The following CDV3 variants were observed in gnomAD, a reference collection of about 807,000 sequenced individuals.
CDV3 encodes CDV3 homolog.
In CDV3, 14 loss-of-function variants were observed where a neutral mutation model predicts 24.5. That is an observed-to-expected ratio of 0.57 (90% confidence interval 0.38 to 0.89). The LOEUF is 0.89. Among genes scored for constraint, CDV3 ranks in the 40% least tolerant of loss-of-function variants. The pLI is 0.00. For synonymous variants in CDV3, 114 were observed against 114.1 expected, an observed-to-expected ratio of 1.00 and a Z score of 0.00; for missense variants, 304 against 310.2, an observed-to-expected ratio of 0.98 and a Z score of 0.15.
At chr3:133,578,448 A>G (rs1054407259) in intron 2 of CDV3, among the ~76,000 whole-genome samples, 1 of 152,252 alleles carries the variant, frequency 6.6e-6, no homozygotes, top group Non-Finnish European at 1.5e-5. Context: ...AGCTGGTTAC[A>G]TTATCCAAGG....
rs995844020 is a variant in CDV3 at position 133,589,510 on chromosome 3, A to T, written c.*1464A>T. ...AGTTTCCTAGTTTTGTATCTGGTTC[A>T]ATAGAAATATGTGAAAGTGGTAATG... is the stretch of plus-strand genomic sequence containing the variant. On this transcript the variant is annotated 3_prime_UTR_variant, in exon 5 of 5. Coordinates refer to ENST00000264993, the MANE Select transcript of CDV3 (RefSeq NM_017548.5). The T allele has an allele frequency of 6.6e-6, 1 of 152,664 alleles. No individual in the cohort carries two copies. Among genetic ancestry groups the T allele is most frequent in the Non-Finnish European group, 1.5e-5 (1 of 68,050 alleles). The allele number at this position is 152,664 out of a possible 1,614,324, so 9.5% of individuals were successfully genotyped here.
chr3:133,586,418 C>G (rs1933606459), intron 3 of CDV3, 145 bp from the exon 4 acceptor site: 1 of 577,046 alleles, frequency 1.7e-6, no homozygotes, highest in African/African-American at 1.9e-5. Context: ...CAGACATTTT[C>G]TGAAATGAAT....
intron 2 of CDV3, among the ~76,000 whole-genome samples, chr3:133,581,796 T>C (rs1023878236): frequency 1.3e-5 from 2 of 152,226 alleles, no homozygotes; most frequent in African/African-American, 2.4e-5. Flanking sequence ...ATTAGGTATA[T>C]AGATGTTGTT....
At chr3:133,576,864 T>TTTTTTTTTTTTTTTTTTA (rs869170539) in intron 2 of CDV3, among the ~76,000 whole-genome samples, 1 of 139,862 alleles carries the variant, frequency 7.1e-6, no homozygotes, top group South Asian at 2.3e-4. Flanking sequence ...TTTTTTTTTT[T>TTTTTTTTTTTTTTTTTTA]GAGACGAAGT....
chr3:133,576,814 G>A (rs1559779944), intron 2 of CDV3, among the ~76,000 whole-genome samples: 1 of 124,446 alleles, frequency 8.0e-6, no homozygotes, highest in Non-Finnish European at 1.6e-5. Flanking sequence ...AAGCATTTAA[G>A]TTCTGTTCAA....
Position 133,588,708 on chromosome 3 carries a change from A to G in CDV3, c.*662A>G, listed in dbSNP as rs1175099240. The stretch of plus-strand genomic sequence containing the variant: ...AGGGCTGTGATTTGTAATTTAAACT[A>G]ATTGTATTCTGAGGTAACCACAAAA... On this transcript the variant is annotated 3_prime_UTR_variant, in exon 5 of 5. Coordinates refer to ENST00000264993, the MANE Select transcript of CDV3 (RefSeq NM_017548.5). 3.9e-6 allele frequency: 1 copy of G among 256,966 alleles called. No individual in the cohort carries two copies. 15.9% of individuals were successfully genotyped at this position (256,966 alleles called of 1,614,324 possible).
chr3:133,581,137 C>CT (rs1932973220), intron 2 of CDV3, among the ~76,000 whole-genome samples: 1 of 152,184 alleles, frequency 6.6e-6, no homozygotes, highest in African/African-American at 2.4e-5. Context: ...AATCCCAGCA[C>CT]TTTGGGAGGC....
chr3:133,583,596 T>A lies in CDV3; in HGVS notation c.318-406T>A, dbSNP rs534866443. Among the ~76,000 whole-genome samples the A allele has an allele frequency of 2.4e-3, 360 of 152,320 alleles. 2 individuals are homozygous for A. Among genetic ancestry groups the A allele is most frequent in the Non-Finnish European group, 3.4e-3 (228 of 68,016 alleles). On this transcript the variant is annotated intron_variant, in intron 2 of 4. Coordinates refer to ENST00000264993, the MANE Select transcript of CDV3 (RefSeq NM_017548.5). ...TTTTATTTTTTTGAGACAGTCACGC[T>A]CTGTCGCCCAGGAGGGAGTGCAGTG...
intron 2 of CDV3, among the ~76,000 whole-genome samples, chr3:133,579,714 T>C (rs191897645): frequency 1.5e-3 from 233 of 152,230 alleles, no homozygotes; most frequent in African/African-American, 5.3e-3. Flanking sequence ...TGCCTCAGCC[T>C]CCCAAGTAGC....
Position 133,588,126 on chromosome 3 carries a change from G to C in CDV3, c.*80G>C. On this transcript the variant is annotated 3_prime_UTR_variant, in exon 5 of 5. Transcript: ENST00000264993. ...AACAGCCATTCATCATCTGATCTCT[G>C]CTGGATCTACAGACACCGATGCAGA... is the stretch of plus-strand genomic sequence containing the variant. 2 of 1,575,474 alleles carry C rather than the reference G, an allele frequency of 1.3e-6. No homozygotes were observed. The highest frequency in any genetic ancestry group is 2.4e-5 in the South Asian group (2 of 84,042).
chr3:133,575,201 A>T lies in CDV3; in HGVS notation c.317+86A>T, dbSNP rs922014036. On this transcript the variant is annotated intron_variant, in intron 2 of 4. Coordinates refer to ENST00000264993, the MANE Select transcript of CDV3 (RefSeq NM_017548.5). ...GGTTTTCCTTTGGCCCCAAAGCAGC[A>T]TCATAGTAGCCTTGTGCTCTAGATA... The T allele has an allele frequency of 5.4e-6, 4 of 747,112 alleles. No individual in the cohort carries two copies. In the African/African-American group the frequency reaches 7.0e-5, roughly 13 times the overall value. 46.3% of individuals were successfully genotyped at this position (747,112 alleles called of 1,614,324 possible). A position where few individuals can be genotyped will look rare whatever the true frequency, so the allele number is the denominator to read the frequency against.
chr3:133,589,843 G>A lies in CDV3; in HGVS notation c.*1797G>A, dbSNP rs1933944171. On this transcript the variant is annotated 3_prime_UTR_variant, in exon 5 of 5. Transcript: ENST00000264993. ...GAGTAACTGAGCCAGCCAAGGGAAGGTTGAATGATTAAATCAGAAATGGGA... is the reference window on the plus strand; with the variant it reads ...GAGTAACTGAGCCAGCCAAGGGAAGATTGAATGATTAAATCAGAAATGGGA... The A allele has an allele frequency of 6.6e-6, 1 of 152,220 alleles. No homozygotes were observed. The highest frequency in any genetic ancestry group is 2.4e-5 in the African/African-American group (1 of 41,460). The allele number at this position is 152,220 out of a possible 1,614,324, so 9.4% of individuals were successfully genotyped here.
intron 1 of CDV3, chr3:133,574,768 A>C: frequency 9.0e-7 from 1 of 1,107,832 alleles, no homozygotes; most frequent in Non-Finnish European, 1.1e-6. Context: ...TAGTTGTGAA[A>C]TTCCTATTGA....
intron 3 of CDV3, among the ~76,000 whole-genome samples, chr3:133,584,602 T>G (rs1933390636): frequency 6.6e-6 from 1 of 152,142 alleles, no homozygotes; most frequent in Admixed American, 6.5e-5. Flanking sequence ...TCCTAAAGCT[T>G]TTATCATTTA....
rs549566393 is a variant in CDV3, at chr3:133,574,731, C to G, written c.241-308C>G. 194 of 1,097,620 alleles carry G rather than the reference C, an allele frequency of 1.8e-4. 2 individuals carry two copies. The South Asian group carries it at 3.6e-3, about 20-fold the overall frequency. 68.0% of individuals were successfully genotyped at this position (1,097,620 alleles called of 1,614,324 possible). Reference sequence around the variant, plus strand: ...AAGCCCGTGAAAGAAAAAGAAAACTCTCGGTGGCAAGGTTGAAGTAGAAAT... The same window carrying G: ...AAGCCCGTGAAAGAAAAAGAAAACTGTCGGTGGCAAGGTTGAAGTAGAAAT... On this transcript the variant is annotated intron_variant, in intron 1 of 4. Transcript: ENST00000264993.
rs1933910275 is a variant in CDV3, at chr3:133,589,363, AG to A, written c.*1318del. 1 of 152,642 alleles carries A rather than the reference AG, an allele frequency of 6.6e-6. No individual in the cohort carries two copies. The highest frequency in any genetic ancestry group is 2.4e-5 in the African/African-American group (1 of 41,438). The allele number at this position is 152,642 out of a possible 1,614,324, so 9.5% of individuals were successfully genotyped here. A position where few individuals can be genotyped will look rare whatever the true frequency, so the allele number is the denominator to read the frequency against. ...AGTCAGGGCGAAAGACAGGTGATGT[AG>A]CACTTCTGTTTTTAATAATTATTGC... On this transcript the variant is annotated 3_prime_UTR_variant, in exon 5 of 5. Transcript: ENST00000264993.
chr3:133,578,770 C>T (rs1483945286), intron 2 of CDV3, among the ~76,000 whole-genome samples: 2 of 152,178 alleles, frequency 1.3e-5, no homozygotes, highest in African/African-American at 4.8e-5. Context: ...GGTATTCCAG[C>T]AGCTCAATCC....
intron 4 of CDV3, chr3:133,587,027 A>G: frequency 6.1e-6 from 3 of 495,338 alleles, no homozygotes; most frequent in Non-Finnish European, 1.1e-5. Context: ...TTTATAATTA[A>G]GTGGCTTTTG....
At chr3:133,575,947 A>G (rs1340040124) in intron 2 of CDV3, among the ~76,000 whole-genome samples, 3 of 152,232 alleles carry the variant, frequency 2.0e-5, no homozygotes, top group Non-Finnish European at 4.4e-5. Context: ...TTAAAGAAAT[A>G]AAGGATCTTG....
Sources: allele counts gnomAD v4.1 joint callset (sites outside exome capture counted in the v4.1 genomes callset), GRCh38; gene constraint gnomAD v4.1.1; transcripts MANE v1.5; gene names NCBI Gene and HGNC (gene_info 2026-07-23, HGNC 2026-07-21).